The following EXD2 variants were observed in gnomAD, a reference collection of about 807,000 sequenced individuals.
The protein encoded by EXD2 is exonuclease 3'-5' domain-containing protein 2.
In EXD2, 40 loss-of-function variants were observed where a neutral mutation model predicts 62.5. The observed-to-expected ratio is 0.64, with a 90% CI of 0.50 to 0.83. EXD2 has a LOEUF of 0.83. EXD2 is among the 40% of genes least tolerant of loss of function. The pLI is 0.00. For synonymous variants in EXD2, 239 were observed against 291.9 expected, an observed-to-expected ratio of 0.82 and a Z score of 1.85; for missense variants, 671 against 761.8, an observed-to-expected ratio of 0.88 and a Z score of 1.40.
intron 2 of EXD2, 128 bp from the exon 3 acceptor site, chr14:69,209,296 G>A: frequency 2.1e-6 from 1 of 478,284 alleles, no homozygotes; most frequent in South Asian, 4.7e-5. Flanking sequence ...ATTTCACATG[G>A]AAATTTATAG....
At chr14:69,205,242 G>T (rs1158668307) in intron 2 of EXD2, among the ~76,000 whole-genome samples, 1 of 152,030 alleles carries the variant, frequency 6.6e-6, no homozygotes, top group East Asian at 1.9e-4. Flanking sequence ...GTAAAGATGG[G>T]ATCTCATTAT....
chr14:69,231,562 T>C (rs2043580598), intron 5 of EXD2, among the ~76,000 whole-genome samples: 1 of 152,194 alleles, frequency 6.6e-6, no homozygotes, highest in African/African-American at 2.4e-5. Context: ...AGTATTTTGT[T>C]TGCATAGTGT....
At chr14:69,223,174 C>A (rs570220050) in intron 3 of EXD2, among the ~76,000 whole-genome samples, 11 of 152,310 alleles carry the variant, frequency 7.2e-5, no homozygotes, top group Admixed American at 3.3e-4. Flanking sequence ...AATTTCCATT[C>A]TTTTCCTGTA....
At chr14:69,240,079 C>T (rs1314066674) in intron 9 of EXD2, among the ~76,000 whole-genome samples, 2 of 152,156 alleles carry the variant, frequency 1.3e-5, no homozygotes, top group African/African-American at 2.4e-5. Context: ...AAAGTGTCTG[C>T]AGATACCCAG....
At position 69,234,860 on chromosome 14, in the gene EXD2, G is replaced by C. The variant is rs576613897; in HGVS notation, c.878G>C (p.Arg293Pro). 13 of 1,614,082 alleles carry C rather than the reference G, an allele frequency of 8.1e-6. No individual in the cohort carries two copies. Among genetic ancestry groups the C allele is most frequent in the Non-Finnish European group, 1.1e-5 (13 of 1,180,048 alleles). ...CAGGGTGTGGTCGACATCCCATTTCGAAGCAAAGGAATGAGCAGATTGGGA... is the reference window on the plus strand; with the variant it reads ...CAGGGTGTGGTCGACATCCCATTTCCAAGCAAAGGAATGAGCAGATTGGGA... Reference protein sequence around the residue: ...KCQGVVDIPFRSKGMSRLGEE... With the variant: ...KCQGVVDIPFPSKGMSRLGEE... The change falls in exon 6 of 10, where the codon CGA (arginine) becomes CCA (proline). Residue 293 changes from arginine (R) to proline (P), a missense_variant. Coordinates refer to ENST00000685843, the MANE Select transcript of EXD2 (RefSeq NM_001193360.2).
chr14:69,210,208 G>T (rs2042761960), intron 3 of EXD2: 1 of 157,062 alleles, frequency 6.4e-6, no homozygotes, highest in Non-Finnish European at 1.4e-5. Flanking sequence ...AGTAGTAAGT[G>T]TTCATGAAAT....
At chr14:69,208,066 T>A (rs1444240150) in intron 2 of EXD2, among the ~76,000 whole-genome samples, 1 of 151,114 alleles carries the variant, frequency 6.6e-6, no homozygotes, top group Non-Finnish European at 1.5e-5. Context: ...GCCTGGCTAA[T>A]TTTTGTGTTT....
intron 1 of EXD2, among the ~76,000 whole-genome samples, chr14:69,201,672 GTTTTTTTTTTT>G (rs71102634): frequency 1.0e-4 from 6 of 59,022 alleles, no homozygotes; most frequent in Admixed American, 4.8e-4. Flanking sequence ...TGTTTTCTCT[GTTTTTTTTTTT>G]TTTTTTTTTT....
At chr14:69,209,999 A>C in intron 3 of EXD2, 196 bp downstream of exon 3, 1 of 459,760 alleles carries the variant, frequency 2.2e-6, no homozygotes. Context: ...ACAATTATGG[A>C]TTACAATTAT....
chr14:69,221,221 G>C (rs2043174479), intron 3 of EXD2, among the ~76,000 whole-genome samples: 1 of 152,088 alleles, frequency 6.6e-6, no homozygotes, highest in Non-Finnish European at 1.5e-5. Context: ...AACAGGTTAG[G>C]GGTGTTTCCT....
At chr14:69,208,423 G>A (rs1456440683) in intron 2 of EXD2, among the ~76,000 whole-genome samples, 1 of 150,910 alleles carries the variant, frequency 6.6e-6, no homozygotes. Flanking sequence ...TGTTAGCCGG[G>A]ATGGTCTCGA....
At position 69,243,491 on chromosome 14, in the gene EXD2, G is replaced by A. The variant is rs566378973; in HGVS notation, c.*2391G>A. 66 of 152,258 alleles carry A rather than the reference G, an allele frequency of 4.3e-4. No individual in the cohort carries two copies. The highest frequency in any genetic ancestry group is 1.5e-3 in the African/African-American group (64 of 41,538). The allele number at this position is 152,258 out of a possible 1,614,324, so 9.4% of individuals were successfully genotyped here. A position where few individuals can be genotyped will look rare whatever the true frequency, so the allele number is the denominator to read the frequency against. ...CTCTCACTGATTAACATGGTATCAC[G>A]AGTAACTTCCTATGTTTTTAAATCT... On this transcript the variant is annotated 3_prime_UTR_variant, in exon 10 of 10. Transcript: ENST00000685843.
At chr14:69,194,175 G>A (rs2140172427) in intron 1 of EXD2, among the ~76,000 whole-genome samples, 1 of 146,054 alleles carries the variant, frequency 6.8e-6, no homozygotes, top group East Asian at 2.0e-4. Context: ...GTCTCGCTGT[G>A]TCGCCCAGGC....
Position 69,241,308 on chromosome 14 carries a change from C to A in EXD2, c.*208C>A. On this transcript the variant is annotated 3_prime_UTR_variant, in exon 10 of 10. Coordinates refer to ENST00000685843, the MANE Select transcript of EXD2 (RefSeq NM_001193360.2). Reference sequence around the variant, plus strand: ...GTTTTGGATTTTAAACGGGCAGGGTCTTTTTTCCTCTCATTTTTGTGGACA... The same window carrying A: ...GTTTTGGATTTTAAACGGGCAGGGTATTTTTTCCTCTCATTTTTGTGGACA... The A allele has an allele frequency of 3.8e-6, 2 of 523,098 alleles. No individual in the cohort carries two copies. Among genetic ancestry groups the A allele is most frequent in the Non-Finnish European group, 6.7e-6 (2 of 296,656 alleles). 32.4% of individuals were successfully genotyped at this position (523,098 alleles called of 1,614,324 possible). A position where few individuals can be genotyped will look rare whatever the true frequency, so the allele number is the denominator to read the frequency against.
At chr14:69,235,281 T>C (rs2043738181) in intron 6 of EXD2, among the ~76,000 whole-genome samples, 1 of 152,248 alleles carries the variant, frequency 6.6e-6, no homozygotes, top group Non-Finnish European at 1.5e-5. Context: ...AAAGCTTAGC[T>C]TAGTTCTGTC....
intron 1 of EXD2, among the ~76,000 whole-genome samples, chr14:69,200,146 A>G (rs1463420667): frequency 2.0e-5 from 3 of 152,172 alleles, no homozygotes; most frequent in Non-Finnish European, 4.4e-5. Flanking sequence ...TCTGTTGTTG[A>G]CCGAAACATT....
At chr14:69,199,918 C>A (rs578133107) in intron 1 of EXD2, among the ~76,000 whole-genome samples, 18 of 152,236 alleles carry the variant, frequency 1.2e-4, no homozygotes, top group African/African-American at 4.3e-4. Context: ...CGTTTATTGT[C>A]GTTATCAGGT....
chr14:69,223,066 G>A (rs945757290), intron 3 of EXD2, among the ~76,000 whole-genome samples: 10 of 152,136 alleles, frequency 6.6e-5, no homozygotes, highest in Admixed American at 1.3e-4. Flanking sequence ...AAATTCTGGC[G>A]TAAGTTTTTA....
intron 3 of EXD2, among the ~76,000 whole-genome samples, chr14:69,221,276 T>C (rs1305195998): frequency 6.6e-6 from 1 of 152,236 alleles, no homozygotes; most frequent in Non-Finnish European, 1.5e-5. Context: ...TGTCATTCTT[T>C]TTTACTTAAA....
Sources: gnomAD v4.1 joint callset for allele counts (sites outside exome capture counted in the v4.1 genomes callset) on GRCh38, gnomAD v4.1.1 for gene constraint, MANE v1.5 for transcripts, NCBI Gene and HGNC (gene_info 2026-07-23, HGNC 2026-07-21) for gene names.